Variants in EHBP1L1 observed in about 807,000 individuals in gnomAD.
EHBP1L1 encodes EH domain binding protein 1 like 1.
Under a neutral mutation model 151.1 loss-of-function variants are expected in EHBP1L1, and 122 were observed. That is an observed-to-expected ratio of 0.81 (90% CI 0.70 to 0.94). The LOEUF is 0.94. Ranked by LOEUF, EHBP1L1 falls within the 40% of genes least tolerant of loss-of-function variation. The pLI, the probability that EHBP1L1 is intolerant of heterozygous loss-of-function variation, is 0.00. For synonymous variants in EHBP1L1, 878 were observed against 810.1 expected (o/e 1.08, Z -1.42); for missense variants, 1,941 against 1,959.8 (o/e 0.99, Z 0.18).
At chr11:65,591,711 G>C (rs1454785778) in intron 16 of EHBP1L1, 89 bp from the exon 17 acceptor site, 1 of 1,075,878 alleles carries the variant, frequency 9.3e-7, no homozygotes, top group South Asian at 1.3e-5. Flanking sequence ...GATGGGGTCA[G>C]GGAGTGGCCA....
At chr11:65,584,770 C>A (rs1857844831) in intron 11 of EHBP1L1, 189 bp from the exon 12 acceptor site, 3 of 961,646 alleles carry the variant, frequency 3.1e-6, no homozygotes, top group South Asian at 3.4e-5. Context: ...ACGGGGTGGA[C>A]GGTGTGCCGT....
chr11:65,583,211 G>T lies in EHBP1L1; in HGVS notation c.2539G>T (p.Gly847Trp). The T allele has an allele frequency of 6.2e-7, 1 of 1,613,268 alleles. No individual in the cohort carries two copies. Among genetic ancestry groups the T allele is most frequent in the East Asian group, 2.2e-5 (1 of 44,878 alleles). ...AGCTGGGGCCCAGGAGACAGAGGTCGGGGGTTCAGGGATCTCAGGGCCCGA... is the reference window on the plus strand; with the variant it reads ...AGCTGGGGCCCAGGAGACAGAGGTCTGGGGTTCAGGGATCTCAGGGCCCGA... The part of the protein sequence containing the change: ...EVAGAQETEV[G>W]GSGISGPEAG... Residue 847 changes from glycine (G) to tryptophan (W), a missense_variant, in exon 9 of 19, where the codon GGG becomes TGG. By Grantham distance (184) the Gly-to-Trp change is radical (BLOSUM62 -2). Transcript: ENST00000309295.
At position 65,583,271 on chromosome 11, in the gene EHBP1L1, C is replaced by T. The variant is rs370190023; in HGVS notation, c.2599C>T (p.Arg867Cys). 3.4e-5 allele frequency: 55 copies of T among 1,613,322 alleles called. No homozygotes were observed. Among genetic ancestry groups the T allele is most frequent in the Admixed American group, 2.7e-4 (16 of 59,960 alleles). The change falls in exon 9 of 19, where the codon CGT becomes TGT. Residue 867 changes from arginine (R) to cysteine (C), a missense_variant. Transcript: ENST00000309295. ...GMAEARVLMT[R>C]KTEIIVPEAE... ...GGCAGAGGCCCGAGTACTGATGACC[C>T]GTAAGACAGAAATTATAGTTCCAGA...
rs1204560998 is a variant in EHBP1L1, at chr11:65,583,208, G to T, written c.2536G>T (p.Val846Phe). Residue 846 changes from valine (V) to phenylalanine (F), a missense_variant, in exon 9 of 19, where the codon GTC becomes TTC. Coordinates refer to ENST00000309295, the MANE Select transcript of EHBP1L1 (RefSeq NM_001099409.3). Reference protein sequence around the residue: ...SEVAGAQETEVGGSGISGPEA... With the variant: ...SEVAGAQETEFGGSGISGPEA... Reference sequence around the variant, plus strand: ...GGTAGCTGGGGCCCAGGAGACAGAGGTCGGGGGTTCAGGGATCTCAGGGCC... The same window carrying T: ...GGTAGCTGGGGCCCAGGAGACAGAGTTCGGGGGTTCAGGGATCTCAGGGCC... The T allele has an allele frequency of 6.2e-7, 1 of 1,613,282 alleles. No individual in the cohort carries two copies. Among genetic ancestry groups the T allele is most frequent in the Admixed American group, 1.7e-5 (1 of 60,002 alleles).
Position 65,585,672 on chromosome 11 carries a change from A to C in EHBP1L1, c.3933+81A>C, listed in dbSNP as rs1301322879. 1.3e-6 allele frequency: 2 copies of C among 1,503,134 alleles called. No individual in the cohort carries two copies. The highest frequency in any genetic ancestry group is 2.8e-5 in the African/African-American group (2 of 71,256). 93.1% of individuals were successfully genotyped at this position (1,503,134 alleles called of 1,614,324 possible). ...TGGGCAGAGAACGGGCGAGCCCCCA[A>C]GGGGCCCCAAGGACAGAGCTGGCGC... On this transcript the variant is annotated intron_variant, in intron 12 of 18. Transcript: ENST00000309295. This position sits in a 1 kb window ranked among gnomAD's most constrained non-coding sequence, Gnocchi z 4.0.
At position 65,582,611 on chromosome 11, in the gene EHBP1L1, G is replaced by A. The variant is rs1303537323; in HGVS notation, c.1939G>A (p.Glu647Lys). The change falls in exon 9 of 19, where the codon GAG (glutamate) becomes AAG (lysine). Residue 647 changes from glutamate (E) to lysine (K), a missense_variant. Coordinates refer to ENST00000309295, the MANE Select transcript of EHBP1L1 (RefSeq NM_001099409.3). ...GGGGGTCATAGAGACCCCAGGGACA[G>A]AGACTGAGGTATTGGGGACCCAGAA... ...EVGVIETPGT[E>K]TEVLGTQKTE... 6.2e-7 allele frequency: 1 copy of A among 1,613,092 alleles called. No individual in the cohort carries two copies. The highest frequency in any genetic ancestry group is 8.5e-7 in the Non-Finnish European group (1 of 1,179,784).
rs1565116709 is a variant in EHBP1L1 at position 65,576,377 on chromosome 11, C to G, written c.75C>G (p.His25Gln). ...AAKFQFVACYHELVLECTKKW... is the reference protein window; with the variant it reads ...AAKFQFVACYQELVLECTKKW... ...AGTTCCAGTTCGTGGCCTGTTACCA[C>G]GAGCTAGTGTTGGAGTGCACCAAGA... Residue 25 changes from histidine (H) to glutamine (Q), a missense_variant, in exon 1 of 19, where the codon CAC becomes CAG. By Grantham distance (24) the His-to-Gln change is conservative. Transcript: ENST00000309295. 7 of 1,593,484 alleles carry G rather than the reference C, an allele frequency of 4.4e-6. No homozygotes were observed. Among genetic ancestry groups the G allele is most frequent in the African/African-American group, 2.7e-5 (2 of 74,596 alleles).
Position 65,592,312 on chromosome 11 carries a change from C to G in EHBP1L1, c.*10C>G. 6.8e-7 allele frequency: 1 copy of G among 1,462,186 alleles called. No individual in the cohort carries two copies. 90.6% of individuals were successfully genotyped at this position (1,462,186 alleles called of 1,614,324 possible). A position where few individuals can be genotyped will look rare whatever the true frequency, so the allele number is the denominator to read the frequency against. ...CTGCGTGCTGAGCTGAGGCCGCCGG[C>G]CCGGGTGGCCCATAACTTCTCGCGT... is the stretch of plus-strand genomic sequence containing the variant. On this transcript the variant is annotated 3_prime_UTR_variant, in exon 19 of 19. Coordinates refer to ENST00000309295, the MANE Select transcript of EHBP1L1 (RefSeq NM_001099409.3).
In EHBP1L1 at chr11:65,592,359, C is replaced by A; in HGVS notation, c.*57C>A. On this transcript the variant is annotated 3_prime_UTR_variant, in exon 19 of 19. Transcript: ENST00000309295. Reference sequence around the variant, plus strand: ...GCGTCCCCGGCGTCCGCCGCCGCCCCGGGCCTGCGCTGCGGACGACCCGGC... The same window carrying A: ...GCGTCCCCGGCGTCCGCCGCCGCCCAGGGCCTGCGCTGCGGACGACCCGGC... 8.1e-7 allele frequency: 1 copy of A among 1,240,398 alleles called. No homozygotes were observed. The highest frequency in any genetic ancestry group is 2.2e-5 in the South Asian group (1 of 45,884). The allele number at this position is 1,240,398 out of a possible 1,614,324, so 76.8% of individuals were successfully genotyped here. A position where few individuals can be genotyped will look rare whatever the true frequency, so the allele number is the denominator to read the frequency against.
rs1325751496 is a variant in EHBP1L1, at chr11:65,585,010, G to A, written c.3352G>A (p.Asp1118Asn). The change falls in exon 12 of 19, where the codon GAC becomes AAC. Residue 1118 changes from aspartate (D) to asparagine (N), a missense_variant. Physicochemically the swap from Asp to Asn is conservative, Grantham distance 23. Coordinates refer to ENST00000309295, the MANE Select transcript of EHBP1L1 (RefSeq NM_001099409.3). The surrounding 1 kb of genome is among the most constrained non-coding windows in gnomAD (Gnocchi z 4.0). ...CGTGTCGCGGCTGCTGGAGCCCGCG[G>A]ACATGGTGCTACTGTCGGTGCCCGA... Reference protein sequence around the residue: ...LGVSRLLEPADMVLLSVPDKL... With the variant: ...LGVSRLLEPANMVLLSVPDKL... 2.0e-5 allele frequency: 31 copies of A among 1,535,330 alleles called. No homozygotes were observed. The highest frequency in any genetic ancestry group is 2.4e-5 in the Non-Finnish European group (27 of 1,146,882).
chr11:65,578,968 C>A, intron 1 of EHBP1L1, 110 bp from the exon 2 acceptor site: 3 of 1,079,814 alleles, frequency 2.8e-6, no homozygotes, highest in South Asian at 1.5e-5. Context: ...GGGAGGTGGG[C>A]AGAAGGAAGA....
intron 6 of EHBP1L1, 97 bp from the exon 7 acceptor site, chr11:65,580,961 C>T: frequency 6.7e-7 from 1 of 1,482,678 alleles, no homozygotes; most frequent in Non-Finnish European, 9.0e-7. Flanking sequence ...GGGCGTTTCC[C>T]AGGTAGGACC....
At chr11:65,580,627 C>T in intron 6 of EHBP1L1, 148 bp downstream of exon 6, 1 of 1,087,352 alleles carries the variant, frequency 9.2e-7, no homozygotes, top group Non-Finnish European at 1.3e-6. Flanking sequence ...CTCAATTGTC[C>T]CAACCTGGCT....
intron 12 of EHBP1L1, among the ~76,000 whole-genome samples, chr11:65,586,588 A>T (rs572114575): frequency 6.6e-6 from 1 of 152,334 alleles, no homozygotes; most frequent in East Asian, 1.9e-4. Context: ...TGGCAGCAGG[A>T]AAGTTTAGGC....
chr11:65,582,878 G>A lies in EHBP1L1; in HGVS notation c.2206G>A (p.Val736Ile). 8 of 1,613,654 alleles carry A rather than the reference G, an allele frequency of 5.0e-6. No individual in the cohort carries two copies. The highest frequency in any genetic ancestry group is 6.8e-6 in the Non-Finnish European group (8 of 1,179,830). Reference sequence around the variant, plus strand: ...GGAGATAACAGCTAGGGATTCAGGGGTCAGAGAGATAGAAGCAGAGATAGC... The same window carrying A: ...GGAGATAACAGCTAGGGATTCAGGGATCAGAGAGATAGAAGCAGAGATAGC... Reference protein sequence around the residue: ...TQEITARDSGVREIEAEIAES... With the variant: ...TQEITARDSGIREIEAEIAES... Residue 736 changes from valine (V) to isoleucine (I), a missense_variant, in exon 9 of 19, where the codon GTC (valine) becomes ATC (isoleucine). Transcript: ENST00000309295.
In EHBP1L1 at chr11:65,583,696, AGGG is replaced by A. The variant is rs1857769485; in HGVS notation, c.3026_3028del (p.Gly1009del). 2 of 1,571,012 alleles carry A rather than the reference AGGG, an allele frequency of 1.3e-6. No homozygotes were observed. The highest frequency in any genetic ancestry group is 1.9e-5 in the Admixed American group (1 of 52,852). ...CTGAAGCACAGGTGGCCAGTGGGGC[AGGG>A]GCTGGGGCGCCCAGGGCCTCTTCCC... On this transcript the variant is annotated inframe_deletion, in exon 9 of 19. Transcript: ENST00000309295.
chr11:65,580,519 C>T lies in EHBP1L1; in HGVS notation c.634+40C>T, dbSNP rs371961703. 6.8e-5 allele frequency: 108 copies of T among 1,594,880 alleles called. No individual in the cohort carries two copies. In the East Asian group the frequency reaches 2.3e-3, roughly 34 times the overall value. ...TGCTGTGGATCGAGACTGCCAAGAC[C>T]TGGGGAGGGAGGGTTACCCGGGCCA... On this transcript the variant is annotated intron_variant, in intron 6 of 18. Transcript: ENST00000309295.
chr11:65,580,350 C>G lies in EHBP1L1; in HGVS notation c.505C>G (p.Gln169Glu), dbSNP rs766816070. 3 of 1,613,670 alleles carry G rather than the reference C, an allele frequency of 1.9e-6. No homozygotes were observed. In the Admixed American group the frequency reaches 5.0e-5, roughly 27 times the overall value. The change falls in exon 6 of 19, where the codon CAG becomes GAG. Residue 169 changes from glutamine (Q) to glutamate (E), a missense_variant. By Grantham distance (29) the Gln-to-Glu change is conservative (BLOSUM62 2). Transcript: ENST00000309295. ...REGRATDDDMQSLASLMSVKP... is the reference protein window; with the variant it reads ...REGRATDDDMESLASLMSVKP... ...TCTGCCTCCCAGGGACGATGACATG[C>G]AGAGTCTCGCAAGCCTCATGAGTGT...
chr11:65,584,975 C>A lies in EHBP1L1; in HGVS notation c.3317C>A (p.Ala1106Glu). 1 of 1,533,538 alleles carries A rather than the reference C, an allele frequency of 6.5e-7. No individual in the cohort carries two copies. Among genetic ancestry groups the A allele is most frequent in the Admixed American group, 2.0e-5 (1 of 50,678 alleles). The allele number at this position is 1,533,538 out of a possible 1,614,324, so 95.0% of individuals were successfully genotyped here. A position where few individuals can be genotyped will look rare whatever the true frequency, so the allele number is the denominator to read the frequency against. ...TTCCCCTAGGCCTTCGATGGCTTCG[C>A]GGCTCTGGGCGTGTCGCGGCTGCTG... ...QNNKQAFDGFAALGVSRLLEP... is the reference protein window; with the variant it reads ...QNNKQAFDGFEALGVSRLLEP... Residue 1106 changes from alanine (A) to glutamate (E), a missense_variant, in exon 12 of 19, where the codon GCG (alanine) becomes GAG (glutamate). Ala to Glu is a moderately radical substitution (Grantham distance 107). Coordinates refer to ENST00000309295, the MANE Select transcript of EHBP1L1 (RefSeq NM_001099409.3).
Sources: allele counts gnomAD v4.1 joint callset (sites outside exome capture counted in the v4.1 genomes callset), GRCh38; gene constraint gnomAD v4.1.1; non-coding constraint Gnocchi (gnomAD v3.1); transcripts MANE v1.5; gene names NCBI Gene and HGNC (gene_info 2026-07-23, HGNC 2026-07-21).